Variants in LMO7 observed in about 807,000 individuals in gnomAD.
The protein encoded by LMO7 is LIM domain 7.
In LMO7, 120 loss-of-function variants were observed where a neutral mutation model predicts 206.5. That is an observed-to-expected ratio of 0.58 (90% CI 0.50 to 0.68). LMO7 has a LOEUF of 0.68. LMO7 is among the 30% of genes least tolerant of loss of function. The pLI is 0.00. For missense variants in LMO7, 1,959 were observed against 1,957.9 expected (o/e 1.00, Z -0.01); for synonymous variants, 706 against 681.5 (o/e 1.04, Z -0.56).
At chr13:75,799,449 C>T (rs534533352) in intron 6 of LMO7, among the ~76,000 whole-genome samples, 12 of 147,098 alleles carry the variant, frequency 8.2e-5, no homozygotes, top group Admixed American at 8.2e-4. Context: ...ATGTATTTCT[C>T]CCCCAAATAC....
At chr13:75,778,870 ATT>A (rs1340256292) in intron 4 of LMO7, among the ~76,000 whole-genome samples, 1 of 152,138 alleles carries the variant, frequency 6.6e-6, no homozygotes, top group Non-Finnish European at 1.5e-5. Context: ...TAAAACATGT[ATT>A]ACTATACCCC....
At chr13:75,798,382 G>A (rs1201051163) in intron 6 of LMO7, among the ~76,000 whole-genome samples, 1 of 152,140 alleles carries the variant, frequency 6.6e-6, no homozygotes, top group African/African-American at 2.4e-5. Flanking sequence ...AAACCATGTG[G>A]GACTTTGGCT....
intron 4 of LMO7, among the ~76,000 whole-genome samples, chr13:75,780,640 G>T (rs567660890): frequency 2.7e-4 from 41 of 152,086 alleles, no homozygotes; most frequent in Admixed American, 1.3e-4. Context: ...AGAAGATGAC[G>T]GGATTAAGAG....
chr13:75,681,406 G>C (rs1321567541), intron 1 of LMO7, among the ~76,000 whole-genome samples: 1 of 151,954 alleles, frequency 6.6e-6, no homozygotes, highest in Admixed American at 6.6e-5. Flanking sequence ...AACATTTCTG[G>C]TAGCCATTTC....
At chr13:75,682,276 T>C (rs912896481) in intron 1 of LMO7, among the ~76,000 whole-genome samples, 1 of 152,238 alleles carries the variant, frequency 6.6e-6, no homozygotes, top group African/African-American at 2.4e-5. Context: ...TAGCATCCTC[T>C]GTTAGACATT....
chr13:75,840,521 A>T (rs1417603194), intron 22 of LMO7, 26 bp downstream of exon 22: 1 of 1,610,136 alleles, frequency 6.2e-7, no homozygotes, highest in Non-Finnish European at 8.5e-7. Context: ...GTGGACGGGT[A>T]GAAACTAGGT....
At chr13:75,634,192 C>T (rs923060773), upstream of LMO7, among the ~76,000 whole-genome samples, 1 of 151,918 alleles carries the variant, frequency 6.6e-6, no homozygotes, top group Non-Finnish European at 1.5e-5. Context: ...AGGCTCAGCA[C>T]TTTGGGAGGC....
intron 7 of LMO7, among the ~76,000 whole-genome samples, chr13:75,802,217 G>A (rs765973278): frequency 2.6e-5 from 4 of 152,158 alleles, no homozygotes; most frequent in Non-Finnish European, 4.4e-5. Flanking sequence ...ATCTTTTAGA[G>A]TAGTAGTTTT....
At chr13:75,717,884 AC>A (rs2043685173) in intron 2 of LMO7, among the ~76,000 whole-genome samples, 1 of 152,256 alleles carries the variant, frequency 6.6e-6, no homozygotes, top group Admixed American at 6.5e-5. Context: ...TTGCTTACAT[AC>A]AGTGCTCCAG....
rs1255436832 is a variant in LMO7, at chr13:75,857,980, A to G, written c.*37A>G. The G allele has an allele frequency of 2.5e-6, 4 of 1,609,404 alleles. No individual in the cohort carries two copies. Among genetic ancestry groups the G allele is most frequent in the Non-Finnish European group, 3.4e-6 (4 of 1,177,558 alleles). On this transcript the variant is annotated 3_prime_UTR_variant, in exon 31 of 31. Transcript: ENST00000377534. ...ATACGAAAGCACTGTTGCAGATAGA[A>G]GAAGAGGTGGTTGCTGCTCATGTAG...
intron 9 of LMO7, chr13:75,807,018 G>A: frequency 6.3e-6 from 1 of 159,306 alleles, no homozygotes; most frequent in South Asian, 1.8e-4. Context: ...CTACTCGGAA[G>A]GCTGAGGGAG....
intron 1 of LMO7, among the ~76,000 whole-genome samples, chr13:75,711,849 A>C (rs2043155037): frequency 6.6e-6 from 1 of 152,194 alleles, no homozygotes; most frequent in Non-Finnish European, 1.5e-5. Flanking sequence ...CCTACCCAGC[A>C]TTCAGGTAAT....
At chr13:75,668,566 A>T (rs1594165412) in intron 1 of LMO7, among the ~76,000 whole-genome samples, 1 of 152,190 alleles carries the variant, frequency 6.6e-6, no homozygotes, top group African/African-American at 2.4e-5. Flanking sequence ...CAGGCAATAC[A>T]AACTAGATGC....
upstream of LMO7, among the ~76,000 whole-genome samples, chr13:75,633,611 C>CA (rs562365178): frequency 1.0e-3 from 157 of 151,578 alleles, no homozygotes; most frequent in African/African-American, 3.7e-3. Context: ...AATGTCATTC[C>CA]AAAAAAAGGG....
chr13:75,766,443 T>A (rs927460094), intron 4 of LMO7, among the ~76,000 whole-genome samples: 12 of 152,026 alleles, frequency 7.9e-5, no homozygotes, highest in African/African-American at 2.9e-4. Flanking sequence ...AATTTTGGTT[T>A]TAGGGAAGTC....
intron 3 of LMO7, among the ~76,000 whole-genome samples, chr13:75,737,795 A>AAAAAACAC (rs2046031269): frequency 7.9e-6 from 1 of 127,016 alleles, no homozygotes; most frequent in Non-Finnish European, 1.7e-5. Flanking sequence ...AAAAAAAAAA[A>AAAAAACAC]AAAAAACTTT....
intron 3 of LMO7, among the ~76,000 whole-genome samples, chr13:75,743,554 A>T (rs1370363606): frequency 6.6e-6 from 1 of 152,222 alleles, no homozygotes; most frequent in Non-Finnish European, 1.5e-5. Flanking sequence ...TTGCAGGGAC[A>T]TGAGTGGAGC....
chr13:75,771,492 A>G (rs559524623), intron 4 of LMO7, among the ~76,000 whole-genome samples: 2 of 73,904 alleles, frequency 2.7e-5, no homozygotes, highest in South Asian at 8.2e-4. Flanking sequence ...GGATCATACT[A>G]TCACACTTTG....
intron 4 of LMO7, among the ~76,000 whole-genome samples, chr13:75,765,838 G>C (rs1425436235): frequency 6.6e-6 from 1 of 152,118 alleles, no homozygotes; most frequent in African/African-American, 2.4e-5. Flanking sequence ...CTGAATGCCA[G>C]TGCTTCTTCC....
Sources: allele counts gnomAD v4.1 joint callset (sites outside exome capture counted in the v4.1 genomes callset), GRCh38; gene constraint gnomAD v4.1.1; transcripts MANE v1.5; gene names NCBI Gene and HGNC (gene_info 2026-07-23, HGNC 2026-07-21).